ACVR1B: variants seen among roughly 807,000 people sequenced by gnomAD.
ACVR1B encodes activin receptor type-1B.
ACVR1B carries 15 observed loss-of-function variants against 55.6 expected under a neutral mutation model. The ratio of observed to expected loss-of-function variants is 0.27; its 90% confidence interval spans 0.18 to 0.42. The LOEUF is 0.42. Among genes scored for constraint, ACVR1B ranks in the 10% least tolerant of loss-of-function variants. The pLI is 1.00. For missense variants in ACVR1B, 359 were observed against 670.1 expected (o/e 0.54, Z 5.13); for synonymous variants, 247 against 254.6 (o/e 0.97, Z 0.28).
At chr12:51,956,606 A>C (rs1038451852) in intron 1 of ACVR1B, among the ~76,000 whole-genome samples, 2 of 151,898 alleles carry the variant, frequency 1.3e-5, no homozygotes, top group Non-Finnish European at 2.9e-5. Context: ...GGGCTAATAC[A>C]GTCTTGTTAT....
chr12:51,953,595 A>G (rs1941353489), intron 1 of ACVR1B: 4 of 121,346 alleles, frequency 3.3e-5, no homozygotes, highest in Non-Finnish European at 4.8e-5. Flanking sequence ...ACTGGGTAGT[A>G]AAAAAAAAAA....
chr12:51,977,347 G>A (rs1303151329), intron 3 of ACVR1B, among the ~76,000 whole-genome samples: 1 of 152,040 alleles, frequency 6.6e-6, no homozygotes. Flanking sequence ...TCCCAGGCAG[G>A]AGTGCAGTGG....
At chr12:51,990,218 G>A (rs1036142086) in intron 7 of ACVR1B, among the ~76,000 whole-genome samples, 1 of 150,992 alleles carries the variant, frequency 6.6e-6, no homozygotes, top group Non-Finnish European at 1.5e-5. Flanking sequence ...GCTTGTACCC[G>A]GCAGGTGGAA....
chr12:51,961,806 T>C (rs192030519), intron 1 of ACVR1B, among the ~76,000 whole-genome samples: 1 of 152,296 alleles, frequency 6.6e-6, no homozygotes, highest in African/African-American at 2.4e-5. Context: ...TAAACTGATA[T>C]CAAAGGAGAA....
intron 1 of ACVR1B, among the ~76,000 whole-genome samples, chr12:51,952,188 G>A (rs963192017): frequency 1.3e-5 from 2 of 152,080 alleles, no homozygotes; most frequent in Non-Finnish European, 2.9e-5. Context: ...GCCCTTCACC[G>A]TGTCCAGGGG....
Position 51,975,345 on chromosome 12 carries a change from A to C in ACVR1B, c.172A>C (p.Asn58His), listed in dbSNP as rs1453073168. 1 of 1,614,158 alleles carries C rather than the reference A, an allele frequency of 6.2e-7. No individual in the cohort carries two copies. ...TGGGGCCTGCATGGTTTCCATTTTC[A>C]ATCTGGATGGGATGGAGCACCATGT... ...TDGACMVSIF[N>H]LDGMEHHVRT... The change falls in exon 2 of 9, where the codon AAT (asparagine) becomes CAT (histidine). Residue 58 changes from asparagine (N) to histidine (H), a missense_variant. By Grantham distance (68) the Asn-to-His change is moderately conservative (BLOSUM62 1). This residue lies in a region of ACVR1B where 133 missense variants were observed against 188.2 expected (regional missense o/e 0.71). Coordinates refer to ENST00000257963, the MANE Select transcript of ACVR1B (RefSeq NM_004302.5).
chr12:51,985,661 C>T (rs1409887959), intron 6 of ACVR1B, among the ~76,000 whole-genome samples: 7 of 152,020 alleles, frequency 4.6e-5, no homozygotes, highest in Admixed American at 2.6e-4. Flanking sequence ...AGGTGTGGCT[C>T]GGGAAAGAGG....
At chr12:51,974,591 A>C (rs1246400911) in intron 1 of ACVR1B, among the ~76,000 whole-genome samples, 1 of 152,082 alleles carries the variant, frequency 6.6e-6, no homozygotes, top group Non-Finnish European at 1.5e-5. Context: ...GGTTAAATGT[A>C]TTGTGCACTT....
rs1288704350 is a variant in ACVR1B at position 51,994,485 on chromosome 12, C to T, written c.*375C>T. ...CGAGGTGTTGCCAGTGCTAAGCTGC[C>T]CTGAGGGTTTCCTTCGGGGACCAGC... On this transcript the variant is annotated 3_prime_UTR_variant, in exon 9 of 9. Transcript: ENST00000257963. This position sits in a 1 kb window ranked among gnomAD's most constrained non-coding sequence, Gnocchi z 4.2. 1 of 221,414 alleles carries T rather than the reference C, an allele frequency of 4.5e-6. No individual in the cohort carries two copies. Among genetic ancestry groups the T allele is most frequent in the Non-Finnish European group, 9.1e-6 (1 of 110,144 alleles). The allele number at this position is 221,414 out of a possible 1,614,324, so 13.7% of individuals were successfully genotyped here.
chr12:51,987,104 C>CT (rs1211063465), intron 7 of ACVR1B, 162 bp downstream of exon 7: 1 of 941,764 alleles, frequency 1.1e-6, no homozygotes, highest in Non-Finnish European at 1.7e-6. Context: ...GGTAGCTGTG[C>CT]TTAGGGTGCG....
chr12:51,990,919 A>G (rs1942179063), intron 7 of ACVR1B, among the ~76,000 whole-genome samples: 1 of 152,210 alleles, frequency 6.6e-6, no homozygotes, highest in African/African-American at 2.4e-5. Context: ...TCTGGCAGCT[A>G]GAATCATTTC....
intron 1 of ACVR1B, among the ~76,000 whole-genome samples, chr12:51,963,166 T>C (rs1212386473): frequency 6.6e-6 from 1 of 152,022 alleles, no homozygotes; most frequent in Non-Finnish European, 1.5e-5. Flanking sequence ...TTGTACAATT[T>C]AGTAGTGTTT....
At chr12:51,963,257 T>G (rs2120486566) in intron 1 of ACVR1B, among the ~76,000 whole-genome samples, 1 of 152,234 alleles carries the variant, frequency 6.6e-6, no homozygotes, top group South Asian at 2.1e-4. Flanking sequence ...TATTTATTTT[T>G]TTTTTGAGAC....
At chr12:51,958,033 G>A (rs1289204508) in intron 1 of ACVR1B, among the ~76,000 whole-genome samples, 1 of 152,198 alleles carries the variant, frequency 6.6e-6, no homozygotes, top group African/African-American at 2.4e-5. Context: ...TGCATGTGGT[G>A]GGTGTTTCAG....
intron 1 of ACVR1B, among the ~76,000 whole-genome samples, chr12:51,970,751 G>C (rs528602085): frequency 1.3e-5 from 2 of 152,160 alleles, no homozygotes; most frequent in Admixed American, 1.3e-4. Flanking sequence ...ATCACGAAGA[G>C]TAAGGGCAGA....
intron 8 of ACVR1B, 59 bp from the exon 9 acceptor site, chr12:51,993,926 G>GGACCA: frequency 6.3e-7 from 1 of 1,599,802 alleles, no homozygotes; most frequent in Non-Finnish European, 8.5e-7. Flanking sequence ...GAGAGCCTAG[G>GGACCA]GACCAGAAAG....
At chr12:51,987,068 T>TA in intron 7 of ACVR1B, 126 bp downstream of exon 7, 1 of 1,340,812 alleles carries the variant, frequency 7.5e-7, no homozygotes, top group African/African-American at 1.4e-5. Flanking sequence ...TGAATCATCG[T>TA]TTAAGGTTGC....
chr12:51,978,193 G>T (rs1306594071), intron 3 of ACVR1B, among the ~76,000 whole-genome samples: 1 of 152,112 alleles, frequency 6.6e-6, no homozygotes, highest in Non-Finnish European at 1.5e-5. Context: ...GTTGAAAGAG[G>T]TAGGGCAGTG....
chr12:51,951,855 C>A, intron 1 of ACVR1B, 21 bp downstream of exon 1: 1 of 1,248,392 alleles, frequency 8.0e-7, no homozygotes, highest in Non-Finnish European at 1.0e-6. Context: ...GGACGGGGGG[C>A]GGGGGCCGGG....
Sources: allele counts gnomAD v4.1 joint callset (sites outside exome capture counted in the v4.1 genomes callset), GRCh38; gene constraint gnomAD v4.1.1; regional missense constraint gnomAD v4.1.1; non-coding constraint Gnocchi (gnomAD v3.1); transcripts MANE v1.5; gene names NCBI Gene and HGNC (gene_info 2026-07-23, HGNC 2026-07-21).